The following SYNDIG1 variants were observed in gnomAD, a reference collection of about 807,000 sequenced individuals.
SYNDIG1 encodes synapse differentiation-inducing gene protein 1.
In SYNDIG1, 9 loss-of-function variants were observed where a neutral mutation model predicts 19.4. That is an observed-to-expected ratio of 0.46 (90% CI 0.28 to 0.81). The LOEUF is 0.81. Among genes scored for constraint, SYNDIG1 ranks in the 30% least tolerant of loss-of-function variants. The pLI, the probability that SYNDIG1 is intolerant of heterozygous loss-of-function variation, is 0.12. For missense variants in SYNDIG1, 311 were observed against 343.3 expected, an observed-to-expected ratio of 0.91 and a Z score of 0.74; for synonymous variants, 141 against 145.9, an observed-to-expected ratio of 0.97 and a Z score of 0.24.
chr20:24,641,563 T>C (rs1389892062), intron 3 of SYNDIG1, among the ~76,000 whole-genome samples: 1 of 152,204 alleles, frequency 6.6e-6, no homozygotes, highest in Non-Finnish European at 1.5e-5. Context: ...GTTGTTAGTA[T>C]TTGTCGCAAC....
At chr20:24,597,768 T>C (rs1268473816) in intron 3 of SYNDIG1, among the ~76,000 whole-genome samples, 1 of 152,134 alleles carries the variant, frequency 6.6e-6, no homozygotes, top group African/African-American at 2.4e-5. Context: ...CTGATATTTC[T>C]CCCTTTGGAA....
intron 2 of SYNDIG1, among the ~76,000 whole-genome samples, chr20:24,554,699 G>A (rs1186795359): frequency 1.4e-4 from 21 of 151,724 alleles, no homozygotes; most frequent in South Asian, 4.2e-4. Flanking sequence ...TGCTGGATTC[G>A]GTTTGCCAGT....
intron 2 of SYNDIG1, among the ~76,000 whole-genome samples, chr20:24,546,663 G>T (rs994564104): frequency 1.3e-5 from 2 of 152,204 alleles, no homozygotes; most frequent in African/African-American, 4.8e-5. Flanking sequence ...ACCAGAGCAG[G>T]TCCCACAGCC....
intron 1 of SYNDIG1, among the ~76,000 whole-genome samples, chr20:24,511,052 C>T (rs1037867401): frequency 1.2e-4 from 18 of 152,108 alleles, no homozygotes; most frequent in Non-Finnish European, 1.9e-4. Context: ...ATGTATTTTT[C>T]CCTGTGTGGA....
intron 3 of SYNDIG1, among the ~76,000 whole-genome samples, chr20:24,647,776 C>T (rs771664803): frequency 1.3e-5 from 2 of 150,018 alleles, no homozygotes; most frequent in African/African-American, 2.5e-5. Flanking sequence ...ACTAGATACA[C>T]GCAAGGGAGT....
At chr20:24,664,598 TCTC>T (rs1256425458) in intron 3 of SYNDIG1, among the ~76,000 whole-genome samples, 2 of 152,132 alleles carry the variant, frequency 1.3e-5, no homozygotes, top group African/African-American at 2.4e-5. Context: ...CATGTTTCCA[TCTC>T]CTCGTGACCC....
At chr20:24,489,346 A>G (rs2056074843) in intron 1 of SYNDIG1, among the ~76,000 whole-genome samples, 1 of 151,360 alleles carries the variant, frequency 6.6e-6, no homozygotes, top group African/African-American at 2.4e-5. Context: ...TCATGCACAC[A>G]CACACAAGAT....
chr20:24,632,081 G>C, intron 3 of SYNDIG1, among the ~76,000 whole-genome samples: 1 of 152,152 alleles, frequency 6.6e-6, no homozygotes, highest in Non-Finnish European at 1.5e-5. Context: ...GACTAGACCA[G>C]AACTAGACTC....
intron 1 of SYNDIG1, among the ~76,000 whole-genome samples, chr20:24,481,554 G>C (rs988651234): frequency 6.6e-6 from 1 of 152,240 alleles, no homozygotes; most frequent in African/African-American, 2.4e-5. Flanking sequence ...AGCGCCACAA[G>C]ATTCTGCTGA....
At chr20:24,474,130 T>C (rs2055550324) in intron 1 of SYNDIG1, among the ~76,000 whole-genome samples, 1 of 152,258 alleles carries the variant, frequency 6.6e-6, no homozygotes, top group Admixed American at 6.5e-5. Context: ...TTATGAAATT[T>C]ATCCTTAGCA....
chr20:24,532,829 T>C (rs1271155105), intron 1 of SYNDIG1, among the ~76,000 whole-genome samples: 2 of 152,144 alleles, frequency 1.3e-5, no homozygotes, highest in Non-Finnish European at 2.9e-5. Context: ...GGGCTCAATC[T>C]CCACCTATTT....
At chr20:24,559,941 G>T (rs1343086737) in intron 2 of SYNDIG1, among the ~76,000 whole-genome samples, 1 of 146,092 alleles carries the variant, frequency 6.8e-6, no homozygotes, top group African/African-American at 2.6e-5. Flanking sequence ...CTTGGTGTTG[G>T]TCTTTTCCTA....
At chr20:24,512,280 C>T (rs987215626) in intron 1 of SYNDIG1, among the ~76,000 whole-genome samples, 6 of 151,096 alleles carry the variant, frequency 4.0e-5, no homozygotes, top group South Asian at 4.2e-4. Flanking sequence ...TGGGGATCAT[C>T]GGACAGTGGG....
intron 3 of SYNDIG1, among the ~76,000 whole-genome samples, chr20:24,648,877 G>T (rs551585727): frequency 6.6e-6 from 1 of 152,314 alleles, no homozygotes; most frequent in South Asian, 2.1e-4. Context: ...TTACCAGCAT[G>T]CTGCTTGAAT....
At chr20:24,508,218 A>ATTTTTTTTTTTT (rs34436263) in intron 1 of SYNDIG1, among the ~76,000 whole-genome samples, 3 of 73,208 alleles carry the variant, frequency 4.1e-5, no homozygotes, top group African/African-American at 1.2e-4. Context: ...AAGGAGGATA[A>ATTTTTTTTTTTT]TTTTTTTTTT....
In SYNDIG1 at chr20:24,665,674, C is replaced by T; in HGVS notation, c.*170C>T. ...TGTTTTTATCCTTTAATTTCATGTT[C>T]ACAGCACTGTGTAGAGCACCAGACA... On this transcript the variant is annotated 3_prime_UTR_variant, in exon 4 of 4. Transcript: ENST00000376862. 1.1e-6 allele frequency: 1 copy of T among 884,090 alleles called. No homozygotes were observed. The highest frequency in any genetic ancestry group is 1.7e-6 in the Non-Finnish European group (1 of 603,468). 54.8% of individuals were successfully genotyped at this position (884,090 alleles called of 1,614,324 possible).
At chr20:24,654,395 C>T (rs1369249917) in intron 3 of SYNDIG1, among the ~76,000 whole-genome samples, 3 of 152,080 alleles carry the variant, frequency 2.0e-5, no homozygotes, top group African/African-American at 7.2e-5. Context: ...ATGAAATCAA[C>T]TTCCTGAAAT....
rs6036827 is a variant in SYNDIG1 at position 24,505,727 on chromosome 20, C to T, written c.-79+35974C>T. ...GGAGACCAAGTCCTGGACATCAGGGCACAGTGGAGCTGGGACTTATTTTAG... is the reference window on the plus strand; with the variant it reads ...GGAGACCAAGTCCTGGACATCAGGGTACAGTGGAGCTGGGACTTATTTTAG... On this transcript the variant is annotated intron_variant, in intron 1 of 3. Transcript: ENST00000376862. Among the ~76,000 whole-genome samples, 1,179 of 152,290 alleles carry T rather than the reference C, an allele frequency of 7.7e-3. 12 individuals are homozygous for T. The highest frequency in any genetic ancestry group is 0.027 in the African/African-American group (1,126 of 41,544).
chr20:24,640,559 G>T (rs965132222), intron 3 of SYNDIG1, among the ~76,000 whole-genome samples: 1 of 151,750 alleles, frequency 6.6e-6, no homozygotes, highest in East Asian at 1.9e-4. Flanking sequence ...TAAAGCGTTA[G>T]ATTTCATGGT....
Sources: allele counts gnomAD v4.1 joint callset (sites outside exome capture counted in the v4.1 genomes callset), GRCh38; gene constraint gnomAD v4.1.1; transcripts MANE v1.5; gene names NCBI Gene and HGNC (gene_info 2026-07-23, HGNC 2026-07-21).